The following RGS6 variants were observed in gnomAD, a reference collection of about 807,000 sequenced individuals.
RGS6 encodes regulator of G protein signaling 6.
A neutral mutation model predicts 78.5 loss-of-function variants in RGS6; 30 were observed. The observed-to-expected ratio is 0.38, with a 90% CI of 0.29 to 0.52. RGS6 has a LOEUF of 0.52. Among genes scored for constraint, RGS6 ranks in the 20% least tolerant of loss-of-function variants. The pLI, the probability that RGS6 is intolerant of heterozygous loss-of-function variation, is 0.85. For synonymous variants in RGS6, 206 were observed against 206.0 expected (o/e 1.00, Z 0.00); for missense variants, 495 against 609.7 (o/e 0.81, Z 1.98).
chr14:72,304,975 C>A (rs1316455156), intron 2 of RGS6, among the ~76,000 whole-genome samples: 4 of 152,184 alleles, frequency 2.6e-5, no homozygotes, highest in Non-Finnish European at 5.9e-5. Flanking sequence ...CAGTCTATTT[C>A]CCCACATCCT....
intron 1 of RGS6, among the ~76,000 whole-genome samples, chr14:71,938,762 A>T (rs1300760418): frequency 6.6e-6 from 1 of 152,186 alleles, no homozygotes; most frequent in Non-Finnish European, 1.5e-5. Flanking sequence ...CACCCAGTTC[A>T]TGATAGAAAG....
chr14:72,343,495 C>T (rs1231806313), intron 2 of RGS6, among the ~76,000 whole-genome samples: 1 of 152,216 alleles, frequency 6.6e-6, no homozygotes, highest in Non-Finnish European at 1.5e-5. Context: ...TAGCCTTAAT[C>T]ACATCTACAA....
Position 72,418,190 on chromosome 14 carries a change from T to G in RGS6, c.185-36338T>G, listed in dbSNP as rs568190737. Reference sequence around the variant, plus strand: ...AATAAACTTTTTTTTTTTTTGAGCCTGAATCTCACTCTGTTGCCCAGGTTG... The same window carrying G: ...AATAAACTTTTTTTTTTTTTGAGCCGGAATCTCACTCTGTTGCCCAGGTTG... On this transcript the variant is annotated intron_variant, in intron 3 of 17. Transcript: ENST00000553525. Among the ~76,000 whole-genome samples the G allele has an allele frequency of 2.6e-5, 4 of 151,918 alleles. No individual in the cohort carries two copies. In the South Asian group the frequency reaches 8.3e-4, roughly 32 times the overall value.
intron 2 of RGS6, among the ~76,000 whole-genome samples, chr14:72,162,944 A>G (rs528868948): frequency 5.3e-4 from 81 of 152,360 alleles, no homozygotes; most frequent in African/African-American, 1.9e-3. Flanking sequence ...GAAGTAACTC[A>G]GGAATGGAAA....
intron 2 of RGS6, among the ~76,000 whole-genome samples, chr14:72,201,208 C>T (rs1460365853): frequency 6.6e-6 from 1 of 152,176 alleles, no homozygotes; most frequent in African/African-American, 2.4e-5. Context: ...CCTGCGCTCT[C>T]TGTATGTTCA....
chr14:72,454,788 G>A (rs1326976214), intron 4 of RGS6, among the ~76,000 whole-genome samples: 1 of 152,196 alleles, frequency 6.6e-6, no homozygotes, highest in African/African-American at 2.4e-5. Context: ...GAGGAAATGA[G>A]CAACTTTTTA....
chr14:72,094,666 A>G (rs116633434), intron 2 of RGS6, among the ~76,000 whole-genome samples: 2,464 of 152,280 alleles, frequency 0.016, 59 homozygotes, highest in African/African-American at 0.056. Flanking sequence ...TATCTTTAGG[A>G]ACATTTATCT....
chr14:72,105,540 CTGTTA>C (rs1285828187), intron 2 of RGS6, among the ~76,000 whole-genome samples: 2 of 152,082 alleles, frequency 1.3e-5, no homozygotes, highest in Non-Finnish European at 2.9e-5. Flanking sequence ...TTTGCTCTTT[CTGTTA>C]TATTTCAGAC....
intron 3 of RGS6, among the ~76,000 whole-genome samples, chr14:72,410,163 A>G (rs1474419449): frequency 2.0e-5 from 3 of 152,210 alleles, no homozygotes; most frequent in Non-Finnish European, 2.9e-5. Flanking sequence ...TGGTTGAACT[A>G]GTTTACAGTC....
At chr14:72,074,241 G>C (rs1290665202) in intron 2 of RGS6, among the ~76,000 whole-genome samples, 1 of 152,208 alleles carries the variant, frequency 6.6e-6, no homozygotes, top group Non-Finnish European at 1.5e-5. Context: ...CTGCCGCTCA[G>C]ACTGGAATGC....
At chr14:72,130,893 G>A (rs907207972) in intron 2 of RGS6, among the ~76,000 whole-genome samples, 2 of 152,234 alleles carry the variant, frequency 1.3e-5, no homozygotes, top group Non-Finnish European at 2.9e-5. Context: ...GGGGATAGGA[G>A]GGTGATGGGA....
intron 2 of RGS6, among the ~76,000 whole-genome samples, chr14:72,322,640 C>T (rs2072415382): frequency 6.6e-6 from 1 of 151,914 alleles, no homozygotes; most frequent in Non-Finnish European, 1.5e-5. Context: ...GTAAATAATC[C>T]TAATTAAAAT....
At chr14:72,271,871 C>G (rs1228263628) in intron 2 of RGS6, among the ~76,000 whole-genome samples, 9 of 151,612 alleles carry the variant, frequency 5.9e-5, no homozygotes. Context: ...TGCCCCTTCC[C>G]TTCTTCAAAG....
intron 2 of RGS6, among the ~76,000 whole-genome samples, chr14:72,224,765 A>G (rs17109324): frequency 0.097 from 14,815 of 152,090 alleles, 1,015 homozygotes; most frequent in East Asian, 0.32. Context: ...CTTAGAGATC[A>G]GTGCTCTCTC....
intron 3 of RGS6, among the ~76,000 whole-genome samples, chr14:72,397,701 C>T (rs1043391571): frequency 6.6e-6 from 1 of 152,118 alleles, no homozygotes; most frequent in East Asian, 1.9e-4. Context: ...ATACATAGCT[C>T]TTATTATTTT....
the RGS6 span, among the ~76,000 whole-genome samples, chr14:72,593,723 T>C: frequency 3.9e-5 from 6 of 152,324 alleles, no homozygotes; most frequent in African/African-American, 1.4e-4. Context: ...ATAACTCTTA[T>C]GATCTGCTAT....
chr14:72,309,917 C>A (rs899742496), intron 2 of RGS6, among the ~76,000 whole-genome samples: 1 of 152,248 alleles, frequency 6.6e-6, no homozygotes, highest in Non-Finnish European at 1.5e-5. Context: ...TTGTCCCAAT[C>A]TTTATTTTAA....
chr14:72,021,464 C>CTTTTT (rs533727083), intron 2 of RGS6, among the ~76,000 whole-genome samples: 6 of 122,424 alleles, frequency 4.9e-5, no homozygotes, highest in Admixed American at 9.1e-5. Flanking sequence ...CTTTTTCTAA[C>CTTTTT]TTTTTTTTTT....
rs1385441434 is a variant in RGS6, at chr14:72,105,561, AT to A, written c.84+140690del. 1.2e-4 allele frequency among the ~76,000 whole-genome samples: 19 copies of A among 152,184 alleles called. 1 individual carries two copies. The East Asian group carries it at 3.7e-3, about 29-fold the overall frequency. On this transcript the variant is annotated intron_variant, in intron 2 of 17. Transcript: ENST00000553525. ...CTTTCTGTTATATTTCAGACTCGTT[AT>A]TTTATTTACTACTGCTGCTTTTTTT... is the stretch of plus-strand genomic sequence containing the variant.
Sources: gnomAD v4.1 joint callset for allele counts (sites outside exome capture counted in the v4.1 genomes callset) on GRCh38, gnomAD v4.1.1 for gene constraint, MANE v1.5 for transcripts, NCBI Gene and HGNC (gene_info 2026-07-23, HGNC 2026-07-21) for gene names.